Variants in DNAH1 observed in about 807,000 individuals in gnomAD.
DNAH1 encodes axonemal beta dynein heavy chain 1.
A neutral mutation model predicts 484.3 loss-of-function variants in DNAH1; 327 were observed. That is an observed-to-expected ratio of 0.68 (90% CI 0.62 to 0.74). DNAH1 has a LOEUF of 0.74. DNAH1 is among the 30% of genes least tolerant of loss of function. The probability of loss-of-function intolerance (pLI) is 0.00; values close to 1 mark genes in which losing one functional copy is unlikely to be tolerated. For missense variants in DNAH1, 5,052 were observed against 5,546.8 expected (o/e 0.91, Z 2.83); for synonymous variants, 2,192 against 2,191.9 (o/e 1.00, Z 0.00).
At position 52,355,978 on chromosome 3, in the gene DNAH1, CCT is replaced by C. The variant is rs1292604182; in HGVS notation, c.3694-635_3694-634del. ...GAGGGAAGGGACCAGGCCGCATTCC[CCT>C]GTTTCCCCTAGTGCCTCCCAGGGCC... On this transcript the variant is annotated intron_variant, in intron 21 of 77. Transcript: ENST00000420323. The surrounding 1 kb of genome is among the most constrained non-coding windows in gnomAD (Gnocchi z 4.5). 2.6e-5 allele frequency among the ~76,000 whole-genome samples: 4 copies of C among 152,244 alleles called. No individual in the cohort carries two copies. In the South Asian group the frequency reaches 6.2e-4, roughly 24 times the overall value.
At chr3:52,323,750 G>C (rs1176025877) in intron 2 of DNAH1, 58 bp from the exon 3 acceptor site, 9 of 1,464,698 alleles carry the variant, frequency 6.1e-6, no homozygotes, top group Non-Finnish European at 8.4e-6. Context: ...GTCCCTCCCG[G>C]GTCCTGCCTG....
chr3:52,347,627 C>G (rs1702197533), intron 11 of DNAH1, among the ~76,000 whole-genome samples, 197 bp from the exon 12 acceptor site: 1 of 152,186 alleles, frequency 6.6e-6, no homozygotes, highest in Non-Finnish European at 1.5e-5. Context: ...CTCAGGTCAC[C>G]TGAGGAGCAG....
chr3:52,395,532 C>CT lies in DNAH1; in HGVS notation c.11128-14dup. 6.2e-7 allele frequency: 1 copy of CT among 1,613,456 alleles called. No individual in the cohort carries two copies. On this transcript the variant is annotated splice_polypyrimidine_tract_variant and intron_variant, in intron 69 of 77. Transcript: ENST00000420323. This position sits in a 1 kb window ranked among gnomAD's most constrained non-coding sequence, Gnocchi z 4.4. ...GGGCAAGCTGGCCCCCTGCTCAGTG[C>CT]TCTTGCCCCTGCAGGGCCCTCGGGC...
Position 52,358,685 on chromosome 3 carries a change from TGAA to T in DNAH1, c.4216_4218del (p.Lys1406del), listed in dbSNP as rs1702722037. On this transcript the variant is annotated inframe_deletion, in exon 25 of 78. Coordinates refer to ENST00000420323, the MANE Select transcript of DNAH1 (RefSeq NM_015512.5). This position sits in a 1 kb window ranked among gnomAD's most constrained non-coding sequence, Gnocchi z 4.2. ...TGGCTGCGGGAGGTGGAGCGCAGCA[TGAA>T]GGCCAGTGTGCACGACATCATTGAG... The T allele has an allele frequency of 6.2e-7, 1 of 1,613,030 alleles. No homozygotes were observed. Among genetic ancestry groups the T allele is most frequent in the Non-Finnish European group, 8.5e-7 (1 of 1,179,736 alleles).
In DNAH1 at chr3:52,352,746, G is replaced by A. The variant is rs368452008; in HGVS notation, c.3027+39G>A. On this transcript the variant is annotated intron_variant, in intron 18 of 77. Transcript: ENST00000420323. ...AGGCACCCTGCCCCCATGCCCCCAG[G>A]CTTGAGGAAGCAGCTCATGTAGATG... The A allele has an allele frequency of 6.0e-5, 96 of 1,587,674 alleles. No homozygotes were observed. The African/African-American group carries it at 1.2e-3, about 20-fold the overall frequency.
chr3:52,315,914 C>G (rs1017103129), upstream of DNAH1, among the ~76,000 whole-genome samples: 1 of 152,240 alleles, frequency 6.6e-6, no homozygotes, highest in South Asian at 2.1e-4. Flanking sequence ...GTCATATCCA[C>G]AGCCCGCCCT....
At chr3:52,396,260 G>A in intron 70 of DNAH1, 108 bp from the exon 71 acceptor site, 1 of 1,264,236 alleles carries the variant, frequency 7.9e-7, no homozygotes, top group Non-Finnish European at 1.1e-6. Context: ...CCAGTTGTCT[G>A]TGCAGCCTCG....
At chr3:52,325,079 ACAGCCTTCTTGG>A (rs1701288835) in intron 3 of DNAH1, among the ~76,000 whole-genome samples, 1 of 152,136 alleles carries the variant, frequency 6.6e-6, no homozygotes, top group South Asian at 2.1e-4. Flanking sequence ...GGCTCTGAAA[ACAGCCTTCTTGG>A]CAGCCCTGAG....
Position 52,368,925 on chromosome 3 carries a change from C to T in DNAH1, c.5943+7C>T, listed in dbSNP as rs1399823714. The T allele has an allele frequency of 3.1e-6, 5 of 1,609,096 alleles. No homozygotes were observed. The highest frequency in any genetic ancestry group is 1.7e-5 in the Admixed American group (1 of 59,930). On this transcript the variant is annotated splice_region_variant and intron_variant, in intron 37 of 77. Coordinates refer to ENST00000420323, the MANE Select transcript of DNAH1 (RefSeq NM_015512.5). This position sits in a 1 kb window ranked among gnomAD's most constrained non-coding sequence, Gnocchi z 4.4. ...GATCATCAAGCTCACAGAGGTGCACCTACCTGTCCACCTGCCCACTCTCCT... is the reference window on the plus strand; with the variant it reads ...GATCATCAAGCTCACAGAGGTGCACTTACCTGTCCACCTGCCCACTCTCCT...
chr3:52,351,863 T>G, intron 16 of DNAH1, 99 bp from the exon 17 acceptor site: 3 of 1,426,738 alleles, frequency 2.1e-6, no homozygotes, highest in Non-Finnish European at 2.9e-6. Flanking sequence ...CCCTTCTCAC[T>G]GGCTGCCTGG....
intron 37 of DNAH1, among the ~76,000 whole-genome samples, chr3:52,369,217 C>T (rs965668838): frequency 1.1e-4 from 17 of 152,196 alleles, no homozygotes; most frequent in East Asian, 7.7e-4. Flanking sequence ...CACTGCTCCC[C>T]GGCTGATGAT....
At chr3:52,365,815 C>T (rs1426122766) in intron 34 of DNAH1, among the ~76,000 whole-genome samples, 2 of 152,194 alleles carry the variant, frequency 1.3e-5, no homozygotes, top group Non-Finnish European at 2.9e-5. Context: ...TCGAATGCTT[C>T]CTCCTCTGGT....
rs745417280 is a variant in DNAH1 at position 52,372,976 on chromosome 3, C to G, written c.6908C>G (p.Thr2303Ser). 1 of 1,613,842 alleles carries G rather than the reference C, an allele frequency of 6.2e-7. No individual in the cohort carries two copies. Among genetic ancestry groups the G allele is most frequent in the Admixed American group, 1.7e-5 (1 of 60,026 alleles). ...GACCTGAACATGCCGGCCCTGGAGA[C>G]CTACGGTGCACAGCCACCCATCGAG... is the stretch of plus-strand genomic sequence containing the variant. ...IDDLNMPALETYGAQPPIELL... is the reference protein window; with the variant it reads ...IDDLNMPALESYGAQPPIELL... Residue 2303 changes from threonine to serine, a missense_variant, in exon 44 of 78, where the codon ACC (threonine) becomes AGC (serine). By Grantham distance (58) the Thr-to-Ser change is moderately conservative. Transcript: ENST00000420323.
intron 8 of DNAH1, among the ~76,000 whole-genome samples, chr3:52,343,381 TG>T (rs1702019792): frequency 6.6e-6 from 1 of 152,080 alleles, no homozygotes; most frequent in South Asian, 2.1e-4. Context: ...CCTTCTACCC[TG>T]GCAGAAGGCA....
rs1288920874 is a variant in DNAH1, at chr3:52,381,688, A to G, written c.7657A>G (p.Thr2553Ala). ...CATAGAGGACTACAACCAGATCAAC[A>G]CGGCCAAGCTGAAGCTGGTCCTCTT... is the stretch of plus-strand genomic sequence containing the variant. ...EYIEDYNQIN[T>A]AKLKLVLFMD... is the part of the protein sequence containing the mutation. Residue 2553 changes from threonine to alanine, a missense_variant, in exon 49 of 78, where the codon ACG becomes GCG. Around this residue, in one of 4 missense-constraint regions of DNAH1, gnomAD observed 2,929 missense variants for 3,409.4 expected, o/e 0.86. Transcript: ENST00000420323. The surrounding 1 kb of genome is among the most constrained non-coding windows in gnomAD (Gnocchi z 4.1). 7 of 1,608,734 alleles carry G rather than the reference A, an allele frequency of 4.4e-6. No individual in the cohort carries two copies. In the South Asian group the frequency reaches 7.8e-5, roughly 18 times the overall value.
At position 52,329,080 on chromosome 3, in the gene DNAH1, T is replaced by C. The variant is rs150278055; in HGVS notation, c.871+1066T>C. On this transcript the variant is annotated intron_variant, in intron 6 of 77. Transcript: ENST00000420323. Reference sequence around the variant, plus strand: ...AATGTTACCTTTACTTTGGACTTAATTACAAAAATAATTTAACTCAATTGT... The same window carrying C: ...AATGTTACCTTTACTTTGGACTTAACTACAAAAATAATTTAACTCAATTGT... Among the ~76,000 whole-genome samples the C allele has an allele frequency of 9.2e-5, 14 of 152,370 alleles. No individual in the cohort carries two copies. The East Asian group carries it at 2.7e-3, about 29-fold the overall frequency.
At chr3:52,336,781 C>T (rs1253515757) in intron 8 of DNAH1, among the ~76,000 whole-genome samples, 5 of 152,110 alleles carry the variant, frequency 3.3e-5, no homozygotes, top group African/African-American at 1.2e-4. Context: ...TATTTTGTTA[C>T]ATTGGACTAT....
At chr3:52,382,273 C>T (rs1181836585) in intron 49 of DNAH1, 47 bp from the exon 50 acceptor site, 1 of 1,613,576 alleles carries the variant, frequency 6.2e-7, no homozygotes, top group Non-Finnish European at 8.5e-7. Flanking sequence ...CCTTCAGCGT[C>T]TGGCCCCAAG....
At position 52,388,947 on chromosome 3, in the gene DNAH1, C is replaced by T; in HGVS notation, c.9495+10C>T. 6.3e-7 allele frequency: 1 copy of T among 1,584,614 alleles called. No homozygotes were observed. The highest frequency in any genetic ancestry group is 8.6e-7 in the Non-Finnish European group (1 of 1,162,254). ...CCTGGGCCCCTTCACGGTAAGAAGT[C>T]CCCACCTCTGTCTCTGACCAGCCTC... On this transcript the variant is annotated intron_variant, in intron 59 of 77. Coordinates refer to ENST00000420323, the MANE Select transcript of DNAH1 (RefSeq NM_015512.5).
Sources: allele counts gnomAD v4.1 joint callset (sites outside exome capture counted in the v4.1 genomes callset), GRCh38; gene constraint gnomAD v4.1.1; regional missense constraint gnomAD v4.1.1; non-coding constraint Gnocchi (gnomAD v3.1); transcripts MANE v1.5; gene names NCBI Gene and HGNC (gene_info 2026-07-23, HGNC 2026-07-21).